The following WNT9A variants were observed in gnomAD, a reference collection of about 807,000 sequenced individuals.
The protein encoded by WNT9A is protein Wnt-9a.
Under a neutral mutation model 31.4 loss-of-function variants are expected in WNT9A, and 8 were observed. That is an observed-to-expected ratio of 0.26 (90% CI 0.15 to 0.46). WNT9A has a LOEUF of 0.46. WNT9A is among the 20% of genes least tolerant of loss of function. WNT9A has a pLI of 0.99. For synonymous variants in WNT9A, 236 were observed against 220.1 expected, an observed-to-expected ratio of 1.07 and a Z score of -0.64; for missense variants, 457 against 522.9, an observed-to-expected ratio of 0.87 and a Z score of 1.23.
chr1:227,921,678 C>A lies in WNT9A; in HGVS notation c.938G>T (p.Cys313Phe), dbSNP rs1384387440. 4 of 1,613,176 alleles carry A rather than the reference C, an allele frequency of 2.5e-6. No homozygotes were observed. Among genetic ancestry groups the A allele is most frequent in the Non-Finnish European group, 3.4e-6 (4 of 1,179,976 alleles). ...RFSPGTAGRR[C>F]HREKNCESIC... Reference sequence around the variant, plus strand: ...GCTCTCGCAGTTCTTCTCACGGTGGCACCTACGGCCAGCGGTGCCCGGGGA... The same window carrying A: ...GCTCTCGCAGTTCTTCTCACGGTGGAACCTACGGCCAGCGGTGCCCGGGGA... The change falls in exon 4 of 4, where the codon TGC (cysteine) becomes TTC (phenylalanine). Residue 313 changes from cysteine to phenylalanine, a missense_variant. Coordinates refer to ENST00000272164, the MANE Select transcript of WNT9A (RefSeq NM_003395.4).
At chr1:227,946,124 G>A (rs1164824921) in intron 1 of WNT9A, among the ~76,000 whole-genome samples, 3 of 152,204 alleles carry the variant, frequency 2.0e-5, no homozygotes, top group African/African-American at 7.2e-5. Context: ...GGCCAGAGAA[G>A]CCACAACAGC....
chr1:227,929,091 T>C (rs976375449), intron 1 of WNT9A, among the ~76,000 whole-genome samples: 6 of 152,164 alleles, frequency 3.9e-5, no homozygotes, highest in Admixed American at 3.3e-4. Context: ...GGTATAAACC[T>C]ACAGGCCAAG....
At position 227,928,180 on chromosome 1, in the gene WNT9A, C is replaced by T. The variant is rs866381314; in HGVS notation, c.96-2661G>A. On this transcript the variant is annotated intron_variant, in intron 1 of 3. Transcript: ENST00000272164. The surrounding 1 kb of genome is among the most constrained non-coding windows in gnomAD (Gnocchi z 4.5). ...CTGAGTCCTCCAGCCTTCCCTAGGG[C>T]ACCCCTGAAGCATGCAGACAGCAGG... Among the ~76,000 whole-genome samples the T allele has an allele frequency of 1.3e-5, 2 of 152,144 alleles. No individual in the cohort carries two copies. Among genetic ancestry groups the T allele is most frequent in the Non-Finnish European group, 2.9e-5 (2 of 68,010 alleles).
At chr1:227,922,230 AC>A (rs368003514) in intron 3 of WNT9A, among the ~76,000 whole-genome samples, 11 of 152,210 alleles carry the variant, frequency 7.2e-5, no homozygotes, top group African/African-American at 2.6e-4. Context: ...CAGGGCCGGC[AC>A]CTCAGCCCCT....
chr1:227,946,928 C>T (rs1444332090), intron 1 of WNT9A, among the ~76,000 whole-genome samples: 1 of 152,174 alleles, frequency 6.6e-6, no homozygotes, highest in Non-Finnish European at 1.5e-5. Flanking sequence ...CTCCCAGCGG[C>T]GGCGCTCGGG....
chr1:227,936,402 G>A (rs929754273), intron 1 of WNT9A, among the ~76,000 whole-genome samples: 26 of 152,124 alleles, frequency 1.7e-4, no homozygotes, highest in Non-Finnish European at 7.4e-5. Context: ...ATGTTGGCCA[G>A]GCTGGTCTCA....
chr1:227,927,741 C>T (rs1040818121), intron 1 of WNT9A, among the ~76,000 whole-genome samples: 3 of 152,120 alleles, frequency 2.0e-5, no homozygotes, highest in Admixed American at 6.5e-5. Flanking sequence ...CGACAGCCTC[C>T]CACCTGTGCC....
At position 227,921,240 on chromosome 1, in the gene WNT9A, A is replaced by T; in HGVS notation, c.*278T>A. ...ATGTGCAGCAGGGCTGACTGGGCCC[A>T]GGGATTCAGCCTTGGCAGGTGTAGG... is the stretch of plus-strand genomic sequence containing the variant. On this transcript the variant is annotated 3_prime_UTR_variant, in exon 4 of 4. Coordinates refer to ENST00000272164, the MANE Select transcript of WNT9A (RefSeq NM_003395.4). The T allele has an allele frequency of 3.6e-5, 14 of 389,470 alleles. No individual in the cohort carries two copies. Among genetic ancestry groups the T allele is most frequent in the East Asian group, 4.9e-5 (1 of 20,592 alleles). 24.1% of individuals were successfully genotyped at this position (389,470 alleles called of 1,614,324 possible).
intron 1 of WNT9A, among the ~76,000 whole-genome samples, chr1:227,945,609 G>C (rs1204219976): frequency 6.6e-6 from 1 of 152,152 alleles, no homozygotes; most frequent in Non-Finnish European, 1.5e-5. Flanking sequence ...TTGAGAGGGG[G>C]AAGGGAGAAA....
At chr1:227,923,842 C>G (rs542747441) in intron 3 of WNT9A, among the ~76,000 whole-genome samples, 1 of 152,244 alleles carries the variant, frequency 6.6e-6, no homozygotes, top group Non-Finnish European at 1.5e-5. Flanking sequence ...CTCCTGGTGG[C>G]CCCACAGGGA....
chr1:227,947,926 T>C lies in WNT9A; in HGVS notation c.-39A>G. 2 of 1,021,134 alleles carry C rather than the reference T, an allele frequency of 2.0e-6. No homozygotes were observed. Among genetic ancestry groups the C allele is most frequent in the Non-Finnish European group, 2.4e-6 (2 of 850,080 alleles). 63.3% of individuals were successfully genotyped at this position (1,021,134 alleles called of 1,614,324 possible). ...GGCGGCCGACCATCGCGCTCCCAGC[T>C]CCGCGCAGGGCGCGCCGCGGCCGCC... On this transcript the variant is annotated 5_prime_UTR_variant, in exon 1 of 4. Transcript: ENST00000272164.
At chr1:227,924,085 C>CCCCCCCCCCTT in intron 3 of WNT9A, 53 bp downstream of exon 3, 1 of 1,063,498 alleles carries the variant, frequency 9.4e-7, no homozygotes, top group Non-Finnish European at 1.3e-6. Context: ...CCCCAACCCC[C>CCCCCCCCCCTT]TGACGCTCTT....
At position 227,921,866 on chromosome 1, in the gene WNT9A, T is replaced by C. The variant is rs758027400; in HGVS notation, c.750A>G (p.Ala250=). 59 of 1,612,966 alleles carry C rather than the reference T, an allele frequency of 3.7e-5. No homozygotes were observed. The highest frequency in any genetic ancestry group is 4.1e-5 in the Non-Finnish European group (48 of 1,179,934). Residue 250 remains alanine, a synonymous_variant, in exon 4 of 4, where the codon GCA becomes GCG. Transcript: ENST00000272164. The part of the protein sequence containing the change: ...GKHLKHKYET[A]LKVGSTTNEA... ...CATTGGTGGTGCTGCCCACCTTGAGTGCCGTCTCATACTTGTGCTTCAGAT... is the reference window on the plus strand; with the variant it reads ...CATTGGTGGTGCTGCCCACCTTGAGCGCCGTCTCATACTTGTGCTTCAGAT...
Position 227,921,352 on chromosome 1 carries a change from G to A in WNT9A, c.*166C>T. ...CCCCACGCTGCTAGGTCTGAGCCCA[G>A]GGACTCAGCCCATGCAGGTGTAGAC... On this transcript the variant is annotated 3_prime_UTR_variant, in exon 4 of 4. Coordinates refer to ENST00000272164, the MANE Select transcript of WNT9A (RefSeq NM_003395.4). The A allele has an allele frequency of 8.9e-7, 1 of 1,128,890 alleles. No individual in the cohort carries two copies. 69.9% of individuals were successfully genotyped at this position (1,128,890 alleles called of 1,614,324 possible). A position where few individuals can be genotyped will look rare whatever the true frequency, so the allele number is the denominator to read the frequency against.
In WNT9A at chr1:227,921,608, T is replaced by G; in HGVS notation, c.1008A>C (p.Thr336=). The G allele has an allele frequency of 6.2e-7, 1 of 1,613,480 alleles. No homozygotes were observed. Among genetic ancestry groups the G allele is most frequent in the Non-Finnish European group, 8.5e-7 (1 of 1,179,990 alleles). Residue 336 remains threonine, a synonymous_variant, in exon 4 of 4, where the codon ACA becomes ACC. Transcript: ENST00000272164. ...RGHNTQSRVV[T]RPCQCQVRWC... is the part of the protein sequence containing the mutation. ...AACGCACCTGGCACTGGCAGGGCCT[T>G]GTCACCACCCGGCTCTGTGTGTTAT...
intron 1 of WNT9A, among the ~76,000 whole-genome samples, chr1:227,934,797 A>G (rs930152182): frequency 1.3e-5 from 2 of 152,000 alleles, no homozygotes; most frequent in African/African-American, 4.8e-5. Context: ...AGGGACCTCT[A>G]CAAAGCCTGA....
At chr1:227,945,244 C>T (rs958140269) in intron 1 of WNT9A, among the ~76,000 whole-genome samples, 2 of 152,142 alleles carry the variant, frequency 1.3e-5, no homozygotes, top group African/African-American at 2.4e-5. Context: ...CCTATGACCT[C>T]GGGCTGGCCT....
rs910789372 is a variant in WNT9A at position 227,944,155 on chromosome 1, G to A, written c.95+3638C>T. Among the ~76,000 whole-genome samples the A allele has an allele frequency of 4.6e-5, 7 of 152,052 alleles. No homozygotes were observed. In the East Asian group the frequency reaches 1.3e-3, roughly 29 times the overall value. ...TCCAGATGTCCGTCAACTGATGAACGGTCAAAAAATCTCTCGGAGAGTCTT... is the reference window on the plus strand; with the variant it reads ...TCCAGATGTCCGTCAACTGATGAACAGTCAAAAAATCTCTCGGAGAGTCTT... On this transcript the variant is annotated intron_variant, in intron 1 of 3. Coordinates refer to ENST00000272164, the MANE Select transcript of WNT9A (RefSeq NM_003395.4).
intron 3 of WNT9A, among the ~76,000 whole-genome samples, chr1:227,922,323 C>A (rs1350713079): frequency 6.6e-6 from 1 of 152,192 alleles, no homozygotes; most frequent in Non-Finnish European, 1.5e-5. Flanking sequence ...TCAGCAGGGG[C>A]TAGACCTTCT....
Sources: gnomAD v4.1 joint callset for allele counts (sites outside exome capture counted in the v4.1 genomes callset) on GRCh38, gnomAD v4.1.1 for gene constraint, Gnocchi (gnomAD v3.1) non-coding constraint, MANE v1.5 for transcripts, NCBI Gene and HGNC (gene_info 2026-07-23, HGNC 2026-07-21) for gene names.